Variants in CRB1 observed in about 807,000 individuals in gnomAD.
The protein encoded by CRB1 is protein crumbs homolog 1.
A neutral mutation model predicts 120.0 loss-of-function variants in CRB1; 83 were observed. The observed-to-expected ratio is 0.69, with a 90% CI of 0.58 to 0.83. The LOEUF (loss-of-function observed/expected upper bound fraction) is 0.83, where lower values mean the gene tolerates loss of function less well. Among genes scored for constraint, CRB1 ranks in the 40% least tolerant of loss-of-function variants. CRB1 has a pLI of 0.00. For missense variants in CRB1, 1,699 were observed against 1,687.6 expected (o/e 1.01, Z -0.12); for synonymous variants, 625 against 612.5 (o/e 1.02, Z -0.30).
intron 11 of CRB1, among the ~76,000 whole-genome samples, chr1:197,477,071 T>C (rs1470374774): frequency 5.3e-5 from 8 of 152,222 alleles, no homozygotes; most frequent in African/African-American, 1.9e-4. Context: ...GATTCAGCGT[T>C]AAGCACATGT....
intron 5 of CRB1, among the ~76,000 whole-genome samples, chr1:197,402,623 A>G (rs1663123715): frequency 6.6e-6 from 1 of 152,184 alleles, no homozygotes; most frequent in South Asian, 2.1e-4. Flanking sequence ...TCTCTCAGTT[A>G]CATTTGAAAT....
Position 197,460,910 on chromosome 1 carries a change from T to C in CRB1, c.4006-16754T>C, listed in dbSNP as rs1263002454. On this transcript the variant is annotated intron_variant, in intron 11 of 11. Transcript: ENST00000367400. ...TGTGTCCAGGGAACTCTGGAATTTCTTAAAGAACAGGTCTAGGGGCAAATA... is the reference window on the plus strand; with the variant it reads ...TGTGTCCAGGGAACTCTGGAATTTCCTAAAGAACAGGTCTAGGGGCAAATA... Among the ~76,000 whole-genome samples, 5 of 152,144 alleles carry C rather than the reference T, an allele frequency of 3.3e-5. No individual in the cohort carries two copies. The East Asian group carries it at 9.6e-4, about 29-fold the overall frequency.
At chr1:197,441,994 T>C in intron 10 of CRB1, 172 bp from the exon 11 acceptor site, 1 of 749,262 alleles carries the variant, frequency 1.3e-6, no homozygotes, top group East Asian at 2.5e-5. Flanking sequence ...CCCAAATGTG[T>C]TAAAGAAATT....
intron 1 of CRB1, among the ~76,000 whole-genome samples, chr1:197,302,270 T>C (rs1210479074): frequency 6.6e-6 from 1 of 152,144 alleles, no homozygotes; most frequent in African/African-American, 2.4e-5. Context: ...ATCGTTAGCA[T>C]TTTTTAGCAA....
At chr1:197,258,175 T>C in the CRB1 span, among the ~76,000 whole-genome samples, 4 of 152,366 alleles carry the variant, frequency 2.6e-5, no homozygotes, top group Non-Finnish European at 5.9e-5. Flanking sequence ...AATAGTATAA[T>C]TGGATTTTTT....
At chr1:197,323,805 C>A (rs1024925398) in intron 1 of CRB1, among the ~76,000 whole-genome samples, 2 of 152,128 alleles carry the variant, frequency 1.3e-5, no homozygotes, top group African/African-American at 4.8e-5. Context: ...AAGACCTGAT[C>A]CAAGCCAGAC....
rs550244417 is a variant in CRB1 at position 197,299,930 on chromosome 1, C to G, written c.71-28492C>G. Among the ~76,000 whole-genome samples, 9 of 151,846 alleles carry G rather than the reference C, an allele frequency of 5.9e-5. No individual in the cohort carries two copies. In the East Asian group the frequency reaches 1.5e-3, roughly 26 times the overall value. ...CACATTCTGATAATTTTTGCAATAT[C>G]TCAAACTTTTTCAGTATTTTGTTAC... On this transcript the variant is annotated intron_variant, in intron 1 of 11. Transcript: ENST00000367400.
At chr1:197,443,164 CT>C (rs950691932) in intron 11 of CRB1, 2 of 149,456 alleles carry the variant, frequency 1.3e-5, no homozygotes, top group Non-Finnish European at 3.0e-5. Context: ...ATTAAAATTA[CT>C]GATTATATTC....
At chr1:197,302,570 G>C (rs1656931518) in intron 1 of CRB1, among the ~76,000 whole-genome samples, 1 of 152,194 alleles carries the variant, frequency 6.6e-6, no homozygotes, top group Non-Finnish European at 1.5e-5. Flanking sequence ...AAAAATGGAA[G>C]GCAAAGCCTG....
intron 1 of CRB1, among the ~76,000 whole-genome samples, chr1:197,281,062 T>C (rs1655495387): frequency 6.6e-6 from 1 of 151,894 alleles, no homozygotes; most frequent in African/African-American, 2.4e-5. Context: ...GTCTTAGTAA[T>C]TGTGATGCAT....
chr1:197,222,216 G>A, the CRB1 span: 5 of 488,214 alleles, frequency 1.0e-5, no homozygotes, highest in South Asian at 5.5e-5. Flanking sequence ...CGGCCGCAGC[G>A]GCACCATGAT....
At chr1:197,224,852 T>G in the CRB1 span, among the ~76,000 whole-genome samples, 1 of 152,092 alleles carries the variant, frequency 6.6e-6, no homozygotes, top group African/African-American at 2.4e-5. Context: ...TAGTCTAAGA[T>G]GAAATGTAAA....
At chr1:197,358,642 C>A (rs1660611319) in intron 5 of CRB1, among the ~76,000 whole-genome samples, 1 of 152,192 alleles carries the variant, frequency 6.6e-6, no homozygotes, top group Non-Finnish European at 1.5e-5. Flanking sequence ...TCACAGGCTC[C>A]TCTATGTTTT....
At chr1:197,423,925 A>G (rs1468757984) in intron 6 of CRB1, among the ~76,000 whole-genome samples, 4 of 152,192 alleles carry the variant, frequency 2.6e-5, no homozygotes, top group Non-Finnish European at 5.9e-5. Context: ...AGAAGTGTCC[A>G]TAAGGTTCTC....
chr1:197,394,913 T>C (rs1662697279), intron 5 of CRB1, among the ~76,000 whole-genome samples: 1 of 152,104 alleles, frequency 6.6e-6, no homozygotes. Flanking sequence ...CTCCAAGTTA[T>C]TTCTCTATTT....
intron 3 of CRB1, among the ~76,000 whole-genome samples, chr1:197,346,788 T>C (rs938390961): frequency 6.6e-6 from 1 of 152,228 alleles, no homozygotes; most frequent in Non-Finnish European, 1.5e-5. Context: ...CTAAATATTC[T>C]TGCAATCTAA....
At chr1:197,284,818 A>C (rs898659179) in intron 1 of CRB1, among the ~76,000 whole-genome samples, 2 of 151,964 alleles carry the variant, frequency 1.3e-5, no homozygotes, top group African/African-American at 2.4e-5. Flanking sequence ...ATTTAAAAAA[A>C]TAATAGAACA....
At chr1:197,344,215 A>AT (rs1659633809) in intron 2 of CRB1, 66 bp from the exon 3 acceptor site, 1 of 1,483,622 alleles carries the variant, frequency 6.7e-7, no homozygotes, top group African/African-American at 1.4e-5. Flanking sequence ...AGCATTGTCA[A>AT]ATTGCTAAAT....
At chr1:197,463,850 T>G (rs753873940) in intron 11 of CRB1, among the ~76,000 whole-genome samples, 1 of 152,278 alleles carries the variant, frequency 6.6e-6, no homozygotes, top group South Asian at 2.1e-4. Flanking sequence ...ACAGGAAAGA[T>G]TAACTACCTG....
Sources: allele counts gnomAD v4.1 joint callset (sites outside exome capture counted in the v4.1 genomes callset), GRCh38; gene constraint gnomAD v4.1.1; transcripts MANE v1.5; gene names NCBI Gene and HGNC (gene_info 2026-07-23, HGNC 2026-07-21).